NOSTRIN: variants seen among roughly 807,000 people sequenced by gnomAD.
NOSTRIN encodes BM247 homolog.
Under a neutral mutation model 59.0 loss-of-function variants are expected in NOSTRIN, and 63 were observed. The observed-to-expected ratio is 1.07, with a 90% CI of 0.87 to 1.32. The LOEUF (loss-of-function observed/expected upper bound fraction) is 1.32. Ranked by LOEUF, NOSTRIN falls within the 40% of genes most tolerant of loss-of-function variation. The probability of loss-of-function intolerance (pLI) is 0.00; values close to 1 mark genes in which losing one functional copy is unlikely to be tolerated. For synonymous variants in NOSTRIN, 200 were observed against 165.4 expected (o/e 1.21, Z -1.61); for missense variants, 512 against 473.1 (o/e 1.08, Z -0.76).
At chr2:168,853,442 C>T (rs977109198) in intron 10 of NOSTRIN, among the ~76,000 whole-genome samples, 30 of 152,176 alleles carry the variant, frequency 2.0e-4, no homozygotes, top group Admixed American at 9.8e-4. Context: ...TATACGCCTC[C>T]TCCAGTACTG....
At chr2:168,804,505 A>G (rs1369606065) in intron 1 of NOSTRIN, among the ~76,000 whole-genome samples, 2 of 152,218 alleles carry the variant, frequency 1.3e-5, no homozygotes, top group African/African-American at 4.8e-5. Flanking sequence ...TTGGGGAACA[A>G]TGCTATGTGA....
Position 168,834,513 on chromosome 2 carries a change from A to G in NOSTRIN, c.504+188A>G, listed in dbSNP as rs199693471. Among the ~76,000 whole-genome samples the G allele has an allele frequency of 1.4e-3, 203 of 141,750 alleles. 2 individuals carry two copies. Among genetic ancestry groups the G allele is most frequent in the Middle Eastern group, 3.7e-3 (1 of 270 alleles). 93.0% of individuals were successfully genotyped at this position (141,750 alleles called of 152,430 possible). On this transcript the variant is annotated intron_variant, in intron 7 of 15. Coordinates refer to ENST00000317647, the MANE Select transcript of NOSTRIN (RefSeq NM_001039724.4). ...CGTGCGCGCGCGCGCGCGCGCACAC[A>G]CACACACACACACACACACACACAC...
At chr2:168,802,602 A>G (rs777771183), upstream of NOSTRIN, 34 of 861,974 alleles carry the variant, frequency 3.9e-5, no homozygotes, top group East Asian at 8.2e-4. Context: ...AGTGTCCAGA[A>G]TGCTGGAGCG....
At position 168,834,494 on chromosome 2, in the gene NOSTRIN, C is replaced by T. The variant is rs541325119; in HGVS notation, c.504+169C>T. Among the ~76,000 whole-genome samples, 18 of 59,456 alleles carry T rather than the reference C, an allele frequency of 3.0e-4. No individual in the cohort carries two copies. The East Asian group carries it at 5.2e-3, about 17-fold the overall frequency. The allele number at this position is 59,456 out of a possible 152,430, so 39.0% of individuals were successfully genotyped here. A position where few individuals can be genotyped will look rare whatever the true frequency, so the allele number is the denominator to read the frequency against. On this transcript the variant is annotated intron_variant, in intron 7 of 15. Transcript: ENST00000317647. ...GATTCCAAATCATTACTGGCGTGCGCGCGCGCGCGCGCGCACACACACACA... is the reference window on the plus strand; with the variant it reads ...GATTCCAAATCATTACTGGCGTGCGTGCGCGCGCGCGCGCACACACACACA...
chr2:168,825,843 G>T (rs939502486), intron 3 of NOSTRIN, among the ~76,000 whole-genome samples: 3 of 152,174 alleles, frequency 2.0e-5, no homozygotes, highest in Non-Finnish European at 4.4e-5. Context: ...AAGGCTTCTG[G>T]AGCTCAAATT....
At chr2:168,828,398 G>A (rs1203696195) in intron 4 of NOSTRIN, 22 bp from the exon 5 acceptor site, 1 of 867,398 alleles carries the variant, frequency 1.2e-6, no homozygotes, top group African/African-American at 1.6e-5. Flanking sequence ...ATGCTTATGT[G>A]TCTTTTATGT....
chr2:168,800,993 T>A (rs911449220), upstream of NOSTRIN: 3 of 149,748 alleles, frequency 2.0e-5, no homozygotes, highest in African/African-American at 7.3e-5. Flanking sequence ...AGTCTTCCCA[T>A]CTCAGCCTCC....
intron 3 of NOSTRIN, among the ~76,000 whole-genome samples, chr2:168,827,411 G>A (rs1323254685): frequency 6.6e-6 from 1 of 152,172 alleles, no homozygotes; most frequent in East Asian, 1.9e-4. Flanking sequence ...AACCCCAAGA[G>A]CAGCAGCAGG....
intron 15 of NOSTRIN, 58 bp from the exon 16 acceptor site, chr2:168,864,776 C>G: frequency 6.3e-7 from 1 of 1,588,284 alleles, no homozygotes; most frequent in East Asian, 2.2e-5. Context: ...TCTTATCAAT[C>G]GGGCTGAGGC....
intron 8 of NOSTRIN, 192 bp from the exon 9 acceptor site, chr2:168,850,892 T>A (rs1488998819): frequency 2.0e-5 from 16 of 797,190 alleles, no homozygotes; most frequent in Non-Finnish European, 3.4e-5. Flanking sequence ...GGGGAAAGTG[T>A]GTGAGTGATT....
upstream of NOSTRIN, among the ~76,000 whole-genome samples, chr2:168,796,529 A>C (rs1685483193): frequency 6.6e-6 from 1 of 152,228 alleles, no homozygotes; most frequent in Non-Finnish European, 1.5e-5. Flanking sequence ...TGTTCTTGGC[A>C]AACTTGTCAG....
At chr2:168,834,180 A>G in intron 6 of NOSTRIN, 47 bp from the exon 7 acceptor site, 1 of 843,686 alleles carries the variant, frequency 1.2e-6, no homozygotes, top group Non-Finnish European at 2.1e-6. Flanking sequence ...TTCTCTTGGC[A>G]TCAGCCTCTG....
chr2:168,856,076 A>G (rs16856039), intron 11 of NOSTRIN: 8,438 of 229,716 alleles, frequency 0.037, 620 homozygotes, highest in African/African-American at 0.17. Flanking sequence ...AACGAGGAAG[A>G]AGCCAACGTT....
chr2:168,816,100 G>A (rs546127579), intron 2 of NOSTRIN, among the ~76,000 whole-genome samples: 14 of 152,272 alleles, frequency 9.2e-5, no homozygotes, highest in African/African-American at 3.1e-4. Context: ...TTTGTATGCT[G>A]TACAAAGGCA....
intron 7 of NOSTRIN, among the ~76,000 whole-genome samples, chr2:168,842,216 CAG>C (rs1688148534): frequency 6.6e-6 from 1 of 152,164 alleles, no homozygotes; most frequent in African/African-American, 2.4e-5. Context: ...CCAATAGCCT[CAG>C]GGGAGAATGG....
At chr2:168,826,819 CACT>C (rs1687088475) in intron 3 of NOSTRIN, among the ~76,000 whole-genome samples, 1 of 152,196 alleles carries the variant, frequency 6.6e-6, no homozygotes, top group South Asian at 2.1e-4. Context: ...GTGTAGCCAC[CACT>C]AAAATCAAAA....
At chr2:168,797,698 C>A (rs1449389252), upstream of NOSTRIN, among the ~76,000 whole-genome samples, 4 of 147,402 alleles carry the variant, frequency 2.7e-5, no homozygotes, top group East Asian at 7.9e-4. Flanking sequence ...TTTAATGTTG[C>A]TTGGTGTGGT....
chr2:168,802,479 A>T, upstream of NOSTRIN: 1 of 617,012 alleles, frequency 1.6e-6, no homozygotes, highest in South Asian at 1.8e-5. Context: ...CTCGGGACAC[A>T]AACGGGATGA....
intron 2 of NOSTRIN, among the ~76,000 whole-genome samples, chr2:168,816,083 C>T (rs181035603): frequency 1.3e-5 from 2 of 152,284 alleles, no homozygotes; most frequent in African/African-American, 2.4e-5. Context: ...GCCTTATAGC[C>T]GTGGAGTTTG....
Sources: gnomAD v4.1 joint callset for allele counts (sites outside exome capture counted in the v4.1 genomes callset) on GRCh38, gnomAD v4.1.1 for gene constraint, MANE v1.5 for transcripts, NCBI Gene and HGNC (gene_info 2026-07-23, HGNC 2026-07-21) for gene names.